The following MLLT6 variants were observed in gnomAD, a reference collection of about 807,000 sequenced individuals.
MLLT6 encodes protein AF-17.
A neutral mutation model predicts 103.0 loss-of-function variants in MLLT6; 22 were observed. That is an observed-to-expected ratio of 0.21 (90% confidence interval 0.15 to 0.31). MLLT6 has a LOEUF of 0.31. Among genes scored for constraint, MLLT6 ranks in the 10% least tolerant of loss-of-function variants. The pLI, the probability that MLLT6 is intolerant of heterozygous loss-of-function variation, is 1.00. For synonymous variants in MLLT6, 606 were observed against 623.5 expected (o/e 0.97, Z 0.42); for missense variants, 1,199 against 1,441.7 (o/e 0.83, Z 2.73).
In MLLT6 at chr17:38,720,559, G is replaced by A. The variant is rs1350862802; in HGVS notation, c.2343G>A (p.Leu781=). Residue 781 remains leucine (L), a synonymous_variant, in exon 15 of 20, where the codon CTG becomes CTA. Transcript: ENST00000621332. ...GCCCTGTCCCTGGGCCCTATGGCCT[G>A]CCTCCCCAAGGTGAGGGGATCCTGC... ...ANGPVPGPYG[L]PPQAGSSDSL... The A allele has an allele frequency of 1.2e-6, 2 of 1,612,088 alleles. No individual in the cohort carries two copies. Among genetic ancestry groups the A allele is most frequent in the Admixed American group, 3.3e-5 (2 of 59,844 alleles).
rs1905972634 is a variant in MLLT6 at position 38,725,424 on chromosome 17, GCCCA to G, written c.3241-132_3241-129del. The G allele has an allele frequency of 7.5e-6, 6 of 804,714 alleles. No homozygotes were observed. The Admixed American group carries it at 1.6e-4, about 22-fold the overall frequency. The allele number at this position is 804,714 out of a possible 1,614,324, so 49.8% of individuals were successfully genotyped here. A position where few individuals can be genotyped will look rare whatever the true frequency, so the allele number is the denominator to read the frequency against. ...TCGGCCCTGGTGCACACCCCTCAGA[GCCCA>G]GGCCAGAGGCTTCCATTGGCCCCGT... On this transcript the variant is annotated intron_variant, in intron 19 of 19. Transcript: ENST00000621332.
At chr17:38,722,337 G>T in intron 17 of MLLT6, 110 bp downstream of exon 17, 1 of 790,230 alleles carries the variant, frequency 1.3e-6, no homozygotes, top group Non-Finnish European at 1.8e-6. Flanking sequence ...AATGGCCTCT[G>T]GTCTCACAGG....
chr17:38,717,394 G>C (rs766723184), intron 10 of MLLT6, 38 bp from the exon 11 acceptor site: 1 of 1,512,708 alleles, frequency 6.6e-7, no homozygotes, highest in Non-Finnish European at 8.9e-7. Flanking sequence ...CTGGGGTGGA[G>C]AGTAACCACG....
At position 38,717,909 on chromosome 17, in the gene MLLT6, G is replaced by T; in HGVS notation, c.1898G>T (p.Gly633Val). 1 of 1,613,938 alleles carries T rather than the reference G, an allele frequency of 6.2e-7. No homozygotes were observed. Among genetic ancestry groups the T allele is most frequent in the Non-Finnish European group, 8.5e-7 (1 of 1,179,876 alleles). ...PSTHIFGTPM[G>V]AVNPLLSQAE... ...ACCCACATCTTTGGAACCCCCATGG[G>T]TGCCGTTAATCCCCTCCTCTCCCAA... The change falls in exon 12 of 20, where the codon GGT (glycine) becomes GTT (valine). Residue 633 changes from glycine to valine, a missense_variant. Coordinates refer to ENST00000621332, the MANE Select transcript of MLLT6 (RefSeq NM_005937.4).
chr17:38,714,148 T>A (rs1597993592), intron 8 of MLLT6: 1 of 152,284 alleles, frequency 6.6e-6, no homozygotes, highest in Middle Eastern at 3.4e-3. Flanking sequence ...GGTTGGAAAT[T>A]TATAAACCCC....
chr17:38,712,019 A>C lies in MLLT6; in HGVS notation c.720+5A>C. ...CACGAGAGGGGCCAGAAGAAGGTAG[A>C]AGTCCTCCCCCACCTGCCATCACTC... is the stretch of plus-strand genomic sequence containing the variant. On this transcript the variant is annotated splice_donor_5th_base_variant and intron_variant, in intron 7 of 19. Transcript: ENST00000621332. 1 of 1,553,694 alleles carries C rather than the reference A, an allele frequency of 6.4e-7. No individual in the cohort carries two copies. The highest frequency in any genetic ancestry group is 8.7e-7 in the Non-Finnish European group (1 of 1,148,810).
chr17:38,713,255 C>T (rs1251558081), intron 8 of MLLT6: 3 of 457,408 alleles, frequency 6.6e-6, no homozygotes, highest in African/African-American at 5.9e-5. Context: ...GGGGCAGGCC[C>T]CTGGACAGTA....
chr17:38,722,007 C>A lies in MLLT6; in HGVS notation c.2572C>A (p.Leu858Ile), dbSNP rs948446449. 3 of 1,484,074 alleles carry A rather than the reference C, an allele frequency of 2.0e-6. No individual in the cohort carries two copies. In the African/African-American group the frequency reaches 4.3e-5, roughly 21 times the overall value. 91.9% of individuals were successfully genotyped at this position (1,484,074 alleles called of 1,614,324 possible). A position where few individuals can be genotyped will look rare whatever the true frequency, so the allele number is the denominator to read the frequency against. ...GGCCCTGCCTGGGGCCCCTGCCCCA[C>A]TCCCGCCCCAGCCGCAGAACGGGTT... Reference protein sequence around the residue: ...PLALPGAPAPLPPQPQNGLGR... With the variant: ...PLALPGAPAPIPPQPQNGLGR... The change falls in exon 17 of 20, where the codon CTC (leucine) becomes ATC (isoleucine). Residue 858 changes from leucine to isoleucine, a missense_variant. This residue lies in a region of MLLT6 where 1,034 missense variants were observed against 1,091.5 expected (regional missense o/e 0.95). Transcript: ENST00000621332.
At chr17:38,706,875 C>A in intron 1 of MLLT6, 75 bp from the exon 2 acceptor site, 2 of 1,307,064 alleles carry the variant, frequency 1.5e-6, no homozygotes, top group Non-Finnish European at 2.2e-6. Flanking sequence ...TTGGAGTCAC[C>A]GCCTTCCCCC....
rs768789187 is a variant in MLLT6 at position 38,720,680 on chromosome 17, G to A, written c.2375G>A (p.Ser792Asn). 2.5e-6 allele frequency: 4 copies of A among 1,613,878 alleles called. No homozygotes were observed. The highest frequency in any genetic ancestry group is 2.2e-5 in the East Asian group (1 of 44,876). Residue 792 changes from serine to asparagine, a missense_variant, in exon 16 of 20, where the codon AGC (serine) becomes AAC (asparagine). Transcript: ENST00000621332. ...ACAGCCGGCAGCAGCGACTCCTTGA[G>A]CACCAGCAAGAGCCCTCCGGGAAAG... The part of the protein sequence containing the change: ...PPQAGSSDSL[S>N]TSKSPPGKSS...
chr17:38,712,967 C>T (rs773328659), intron 8 of MLLT6, 178 bp downstream of exon 8: 2 of 767,626 alleles, frequency 2.6e-6, no homozygotes, highest in South Asian at 1.4e-5. Context: ...GAAGGGGCCA[C>T]CAATCACCGA....
chr17:38,709,980 A>G lies in MLLT6; in HGVS notation c.552+405A>G, dbSNP rs1481006785. ...GGTCCCCCCACCAACCCTAAGAACT[A>G]GGTGTGCTATATTTTCCCCATTTTA... On this transcript the variant is annotated intron_variant, in intron 6 of 19. Transcript: ENST00000621332. The surrounding 1 kb of genome is among the most constrained non-coding windows in gnomAD (Gnocchi z 4.3). 6.6e-6 allele frequency among the ~76,000 whole-genome samples: 1 copy of G among 152,220 alleles called. No homozygotes were observed. The highest frequency in any genetic ancestry group is 1.9e-4 in the East Asian group (1 of 5,200).
Position 38,716,900 on chromosome 17 carries a change from C to T in MLLT6, c.1570C>T (p.Leu524=), listed in dbSNP as rs769062281. The part of the protein sequence containing the change: ...FSGGSLVSSG[L]GGLSSRTFGP... ...TGGAGGTTCCCTGGTCAGCTCCGGC[C>T]TGGGAGGTCTGTCCTCCCGAACCTT... Residue 524 remains leucine, a synonymous_variant, in exon 10 of 20, where the codon CTG becomes TTG. Transcript: ENST00000621332. The surrounding 1 kb of genome is among the most constrained non-coding windows in gnomAD (Gnocchi z 5.6). 1.4e-5 allele frequency: 22 copies of T among 1,613,652 alleles called. No individual in the cohort carries two copies. In the Admixed American group the frequency reaches 2.2e-4, roughly 16 times the overall value.
intron 16 of MLLT6, chr17:38,720,957 A>T: frequency 1.7e-6 from 1 of 600,182 alleles, no homozygotes; most frequent in South Asian, 2.0e-5. Flanking sequence ...CAAAACCGGC[A>T]CAGCGCTGCT....
Position 38,715,596 on chromosome 17 carries a change from C to T in MLLT6, c.820-16C>T, listed in dbSNP as rs749004418. 1 of 1,601,636 alleles carries T rather than the reference C, an allele frequency of 6.2e-7. No individual in the cohort carries two copies. Among genetic ancestry groups the T allele is most frequent in the Non-Finnish European group, 8.5e-7 (1 of 1,174,418 alleles). On this transcript the variant is annotated splice_polypyrimidine_tract_variant and intron_variant, in intron 8 of 19. Coordinates refer to ENST00000621332, the MANE Select transcript of MLLT6 (RefSeq NM_005937.4). The stretch of plus-strand genomic sequence containing the variant: ...CAGGCACCTGGTGTTGAACCTTCCT[C>T]TCTCCTCTCCTTCAGGTCTCCTCCT...
Position 38,724,892 on chromosome 17 carries a change from C to T in MLLT6, c.3156C>T (p.Gly1052=), listed in dbSNP as rs1159509684. 29 of 1,555,886 alleles carry T rather than the reference C, an allele frequency of 1.9e-5. No homozygotes were observed. Among genetic ancestry groups the T allele is most frequent in the Middle Eastern group, 3.5e-4 (2 of 5,724 alleles). The change falls in exon 19 of 20, where the codon GGC becomes GGT. Residue 1052 remains glycine (G), a synonymous_variant. Transcript: ENST00000621332. This position sits in a 1 kb window ranked among gnomAD's most constrained non-coding sequence, Gnocchi z 5.4. ...CAGCTGCAGCAGTAGCAGCAGCAGG[C>T]GGACCTCCAGTCCTCACTGCCCAGA... is the stretch of plus-strand genomic sequence containing the variant. ...AAAAAAVAAA[G]GPPVLTAQTN... is the part of the protein sequence containing the mutation.
At chr17:38,722,532 A>T in intron 17 of MLLT6, 146 bp from the exon 18 acceptor site, 1 of 644,000 alleles carries the variant, frequency 1.6e-6, no homozygotes, top group Non-Finnish European at 2.8e-6. Context: ...CCCTATGAGC[A>T]CGGTGCTCTA....
In MLLT6 at chr17:38,705,444, G is replaced by T; in HGVS notation, c.-189G>T. On this transcript the variant is annotated 5_prime_UTR_variant, in exon 1 of 20. Coordinates refer to ENST00000621332, the MANE Select transcript of MLLT6 (RefSeq NM_005937.4). ...GGCGGGGGGGGCGGCCAGACAGAGC[G>T]AGCGAGGAGGAGGAGGAGGAGGACG... 1 of 417,276 alleles carries T rather than the reference G, an allele frequency of 2.4e-6. No homozygotes were observed. Among genetic ancestry groups the T allele is most frequent in the Non-Finnish European group, 4.4e-6 (1 of 229,720 alleles). The allele number at this position is 417,276 out of a possible 1,614,324, so 25.8% of individuals were successfully genotyped here.
intron 3 of MLLT6, 46 bp from the exon 4 acceptor site, chr17:38,707,717 C>A: frequency 7.6e-7 from 1 of 1,322,892 alleles, no homozygotes; most frequent in Non-Finnish European, 1.1e-6. Flanking sequence ...GGGGTGGAGT[C>A]TCCGGCTTGC....
Sources: gnomAD v4.1 joint callset for allele counts (sites outside exome capture counted in the v4.1 genomes callset) on GRCh38, gnomAD v4.1.1 for gene constraint, gnomAD v4.1.1 regional missense constraint, Gnocchi (gnomAD v3.1) non-coding constraint, MANE v1.5 for transcripts, NCBI Gene and HGNC (gene_info 2026-07-23, HGNC 2026-07-21) for gene names.